Variants in CCDC62 observed in about 807,000 individuals in gnomAD.
CCDC62 encodes coiled-coil domain-containing protein 62.
In CCDC62, 72 loss-of-function variants were observed where a neutral mutation model predicts 80.8. That is an observed-to-expected ratio of 0.89 (90% CI 0.74 to 1.08). The LOEUF (loss-of-function observed/expected upper bound fraction) is 1.08, where lower values mean the gene tolerates loss of function less well. Ranked by LOEUF, CCDC62 falls within the 50% of genes least tolerant of loss-of-function variation. CCDC62 has a pLI of 0.00. For missense variants in CCDC62, 704 were observed against 809.4 expected, an observed-to-expected ratio of 0.87 and a Z score of 1.58; for synonymous variants, 286 against 296.5, an observed-to-expected ratio of 0.96 and a Z score of 0.36.
chr12:122,781,253 C>G lies in CCDC62; in HGVS notation c.319C>G (p.Leu107Val). ...ESNQMECQTA[L>V]QKTQLQLQEM... is the part of the protein sequence containing the mutation. Reference sequence around the variant, plus strand: ...CAATCAAATGGAATGCCAAACAGCTCTCCAAAAGACCCAACTACAGCTTCA... The same window carrying G: ...CAATCAAATGGAATGCCAAACAGCTGTCCAAAAGACCCAACTACAGCTTCA... Residue 107 changes from leucine to valine, a missense_variant, in exon 3 of 13, where the codon CTC becomes GTC. Transcript: ENST00000253079. 6.2e-7 allele frequency: 1 copy of G among 1,613,948 alleles called. No homozygotes were observed. Among genetic ancestry groups the G allele is most frequent in the East Asian group, 2.2e-5 (1 of 44,876 alleles).
intron 8 of CCDC62, among the ~76,000 whole-genome samples, chr12:122,799,488 C>T (rs1301575245): frequency 6.6e-6 from 1 of 152,166 alleles, no homozygotes; most frequent in Non-Finnish European, 1.5e-5. Flanking sequence ...ACTGGATTTT[C>T]CTGCTTGCCT....
intron 6 of CCDC62, among the ~76,000 whole-genome samples, chr12:122,795,907 G>A (rs1057484453): frequency 9.2e-5 from 14 of 152,174 alleles, no homozygotes; most frequent in Admixed American, 2.0e-4. Context: ...GGTTCCAGGC[G>A]TCTAAGTCCC....
intron 10 of CCDC62, among the ~76,000 whole-genome samples, chr12:122,809,876 C>G (rs1347664195): frequency 6.6e-6 from 1 of 152,124 alleles, no homozygotes; most frequent in Non-Finnish European, 1.5e-5. Context: ...ACATCTACAA[C>G]TATCTGATCT....
intron 3 of CCDC62, among the ~76,000 whole-genome samples, chr12:122,783,954 G>A (rs371404016): frequency 1.1e-4 from 16 of 152,152 alleles, no homozygotes; most frequent in African/African-American, 3.4e-4. Context: ...ACATTCTATG[G>A]GGTTTTGACA....
chr12:122,813,194 A>G, intron 10 of CCDC62, 76 bp from the exon 11 acceptor site: 1 of 1,436,006 alleles, frequency 7.0e-7, no homozygotes, highest in Non-Finnish European at 9.4e-7. Context: ...AAGAAAAAAG[A>G]AAACAATATT....
intron 12 of CCDC62, among the ~76,000 whole-genome samples, chr12:122,825,513 A>ATTTTT (rs79790987): frequency 6.8e-5 from 9 of 131,440 alleles, no homozygotes; most frequent in East Asian, 2.3e-4. Flanking sequence ...TGCCCGGCTA[A>ATTTTT]TTTTTTTTTT....
intron 4 of CCDC62, among the ~76,000 whole-genome samples, chr12:122,787,221 G>A (rs1395705959): frequency 6.6e-6 from 1 of 152,158 alleles, no homozygotes; most frequent in Non-Finnish European, 1.5e-5. Flanking sequence ...GCTGAGGTGG[G>A]TGGATCGCTT....
chr12:122,819,500 C>G (rs887513716), intron 11 of CCDC62, among the ~76,000 whole-genome samples: 1 of 152,200 alleles, frequency 6.6e-6, no homozygotes, highest in Non-Finnish European at 1.5e-5. Flanking sequence ...ATCTCTCCCA[C>G]AGATACTTCT....
chr12:122,799,342 G>A (rs2031155976), intron 8 of CCDC62, among the ~76,000 whole-genome samples: 2 of 152,146 alleles, frequency 1.3e-5, no homozygotes, highest in African/African-American at 4.8e-5. Context: ...CCAGCATTCA[G>A]TGTTTGGACA....
intron 10 of CCDC62, 128 bp downstream of exon 10, chr12:122,806,423 T>A (rs886937315): frequency 1.2e-4 from 60 of 490,036 alleles, no homozygotes; most frequent in Non-Finnish European, 1.8e-4. Flanking sequence ...TTTTTTTTTT[T>A]AATTCTAGGA....
At chr12:122,797,522 TATC>T in intron 7 of CCDC62, 127 bp downstream of exon 7, 1 of 516,426 alleles carries the variant, frequency 1.9e-6, no homozygotes, top group Non-Finnish European at 3.4e-6. Flanking sequence ...ATTAGTTGTA[TATC>T]ATGTTTATTT....
At chr12:122,782,794 T>C (rs2029947874) in intron 3 of CCDC62, among the ~76,000 whole-genome samples, 1 of 151,722 alleles carries the variant, frequency 6.6e-6, no homozygotes, top group African/African-American at 2.4e-5. Flanking sequence ...TAGTGGCATA[T>C]TGGGAATAAA....
intron 3 of CCDC62, among the ~76,000 whole-genome samples, chr12:122,783,373 G>A (rs572847911): frequency 1.6e-4 from 24 of 151,306 alleles, no homozygotes; most frequent in African/African-American, 5.3e-4. Flanking sequence ...GACTACAGGC[G>A]CCCGCCACCA....
At chr12:122,823,241 A>T (rs1355635586) in intron 11 of CCDC62, 125 bp from the exon 12 acceptor site, 3 of 700,634 alleles carry the variant, frequency 4.3e-6, no homozygotes, top group African/African-American at 3.5e-5. Context: ...GATTATAGGC[A>T]TGAGCCACCA....
chr12:122,792,742 C>T (rs2030705251), intron 6 of CCDC62, among the ~76,000 whole-genome samples: 1 of 152,086 alleles, frequency 6.6e-6, no homozygotes, highest in South Asian at 2.1e-4. Context: ...TGATCTCGAA[C>T]TCTGGCCTCA....
rs200979651 is a variant in CCDC62, at chr12:122,813,310, C to T, written c.1892C>T (p.Thr631Met). 2.0e-5 allele frequency: 33 copies of T among 1,613,524 alleles called. No individual in the cohort carries two copies. Among genetic ancestry groups the T allele is most frequent in the East Asian group, 1.6e-4 (7 of 44,834 alleles). The change falls in exon 11 of 13, where the codon ACG becomes ATG. Residue 631 changes from threonine to methionine, a missense_variant. Coordinates refer to ENST00000253079, the MANE Select transcript of CCDC62 (RefSeq NM_201435.5). The stretch of plus-strand genomic sequence containing the variant: ...CCCTCCCAGGATGATTTCTCGCCCA[C>T]GAGCAAGCTCCAGCGTTTGCTGGCG... Reference protein sequence around the residue: ...VLPSQDDFSPTSKLQRLLAES... With the variant: ...VLPSQDDFSPMSKLQRLLAES...
intron 4 of CCDC62, 131 bp from the exon 5 acceptor site, chr12:122,788,627 T>G: frequency 1.7e-6 from 1 of 602,692 alleles, no homozygotes; most frequent in Non-Finnish European, 2.9e-6. Flanking sequence ...ACTGTAAAGA[T>G]TAAATGAATT....
At chr12:122,806,768 CA>C (rs1270933640) in intron 10 of CCDC62, among the ~76,000 whole-genome samples, 2 of 149,532 alleles carry the variant, frequency 1.3e-5, no homozygotes, top group African/African-American at 4.9e-5. Context: ...AAGTGTGAAT[CA>C]CCGTGCTGGG....
intron 9 of CCDC62, 63 bp downstream of exon 9, chr12:122,801,915 A>G: frequency 2.0e-6 from 3 of 1,533,888 alleles, no homozygotes; most frequent in Non-Finnish European, 2.6e-6. Flanking sequence ...GGAAATACAA[A>G]GGGTGATGGA....
Sources: allele counts gnomAD v4.1 joint callset (sites outside exome capture counted in the v4.1 genomes callset), GRCh38; gene constraint gnomAD v4.1.1; transcripts MANE v1.5; gene names NCBI Gene and HGNC (gene_info 2026-07-23, HGNC 2026-07-21).